RANGAP1: variants seen among roughly 807,000 people sequenced by gnomAD.
The protein encoded by RANGAP1 is ran GTPase-activating protein 1.
A neutral mutation model predicts 63.5 loss-of-function variants in RANGAP1; 38 were observed. The ratio of observed to expected loss-of-function variants is 0.60; its 90% CI spans 0.46 to 0.78. The LOEUF is 0.78. Among genes scored for constraint, RANGAP1 ranks in the 30% least tolerant of loss-of-function variants. The pLI is 0.00. For missense variants in RANGAP1, 630 were observed against 740.3 expected (o/e 0.85, Z 1.73); for synonymous variants, 329 against 310.5 (o/e 1.06, Z -0.63).
chr22:41,256,594 T>G, intron 8 of RANGAP1, 117 bp downstream of exon 8: 1 of 848,286 alleles, frequency 1.2e-6, no homozygotes, highest in South Asian at 1.7e-5. Flanking sequence ...GGGCCCGAAG[T>G]GGAGGAGCTG....
intron 4 of RANGAP1, among the ~76,000 whole-genome samples, chr22:41,266,073 G>A (rs1312775526): frequency 6.6e-6 from 1 of 152,128 alleles, no homozygotes; most frequent in Non-Finnish European, 1.5e-5. Flanking sequence ...ATGGTGGCGG[G>A]CGCCTGTAGT....
intron 3 of RANGAP1, among the ~76,000 whole-genome samples, chr22:41,273,766 C>CAAAAAAAAAAAA (rs71200678): frequency 0.025 from 605 of 24,346 alleles, 151 homozygotes; most frequent in Non-Finnish European, 0.035. Context: ...GACTCCATCT[C>CAAAAAAAAAAAA]AAAAAAAAAA....
Position 41,256,080 on chromosome 22 carries a change from A to G in RANGAP1, c.1014T>C (p.Cys338=). 1 of 1,614,108 alleles carries G rather than the reference A, an allele frequency of 6.2e-7. No individual in the cohort carries two copies. Among genetic ancestry groups the G allele is most frequent in the Non-Finnish European group, 8.5e-7 (1 of 1,180,030 alleles). ...CCTCCAGCACCTCCTGAAGCTGTTCACAGCCTTCTTCTCCCAGGGTGTTGC... is the reference window on the plus strand; with the variant it reads ...CCTCCAGCACCTCCTGAAGCTGTTCGCAGCCTTCTTCTCCCAGGGTGTTGC... ...LNGNTLGEEG[C]EQLQEVLEGF... Residue 338 remains cysteine, a synonymous_variant, in exon 10 of 16, where the codon TGT becomes TGC. Coordinates refer to ENST00000356244, the MANE Select transcript of RANGAP1 (RefSeq NM_002883.4).
At chr22:41,250,930 G>T in intron 13 of RANGAP1, 77 bp downstream of exon 13, 1 of 1,253,720 alleles carries the variant, frequency 8.0e-7, no homozygotes, top group Non-Finnish European at 1.2e-6. Flanking sequence ...GACGAGTTAC[G>T]GCAACCACGA....
At chr22:41,251,135 G>A (rs910640997) in intron 12 of RANGAP1, 26 bp from the exon 13 acceptor site, 1 of 1,594,176 alleles carries the variant, frequency 6.3e-7, no homozygotes, top group Non-Finnish European at 8.6e-7. Flanking sequence ...ACAATGGTTG[G>A]CCTGTGGCAC....
At chr22:41,301,431 T>C in the RANGAP1 span, 2 of 152,192 alleles carry the variant, frequency 1.3e-5, no homozygotes, top group African/African-American at 4.8e-5. Flanking sequence ...CCCCCCGCCC[T>C]TCTCCCCAGG....
At chr22:41,287,315 G>C (rs2035774093), upstream of RANGAP1, among the ~76,000 whole-genome samples, 1 of 150,962 alleles carries the variant, frequency 6.6e-6, no homozygotes, top group Non-Finnish European at 1.5e-5. Flanking sequence ...GGAGTTCTTT[G>C]AACATTTTTG....
At chr22:41,276,440 C>T (rs1178861835) in intron 2 of RANGAP1, among the ~76,000 whole-genome samples, 1 of 150,602 alleles carries the variant, frequency 6.6e-6, no homozygotes, top group Non-Finnish European at 1.5e-5. Context: ...GAGTTTGAGA[C>T]CAGCCTGTCC....
At chr22:41,276,688 A>G (rs1194202904) in intron 2 of RANGAP1, among the ~76,000 whole-genome samples, 1 of 151,948 alleles carries the variant, frequency 6.6e-6, no homozygotes, top group Non-Finnish European at 1.5e-5. Flanking sequence ...GGAAAAAAAA[A>G]AAGACTAGGC....
the RANGAP1 span, among the ~76,000 whole-genome samples, chr22:41,292,860 T>C: frequency 1.3e-5 from 2 of 152,056 alleles, no homozygotes; most frequent in Non-Finnish European, 2.9e-5. Context: ...TCCCAACACC[T>C]TGGGAGGCTG....
chr22:41,249,776 A>G lies in RANGAP1; in HGVS notation c.1525T>C (p.Ser509Pro). Reference protein sequence around the residue: ...QKAFNSSSFNSNTFLTRLLVH... With the variant: ...QKAFNSSSFNPNTFLTRLLVH... ...AGCAGCCTGGTGAGGAAGGTGTTGG[A>G]GTTGAAGGACGAGGAGTTGAAAGCC... Residue 509 changes from serine to proline, a missense_variant, in exon 14 of 16, where the codon TCC (serine) becomes CCC (proline). Physicochemically the swap from Ser to Pro is moderately conservative, Grantham distance 74 (BLOSUM62 -1). Transcript: ENST00000356244. 6.2e-7 allele frequency: 1 copy of G among 1,614,006 alleles called. No homozygotes were observed. The highest frequency in any genetic ancestry group is 8.5e-7 in the Non-Finnish European group (1 of 1,179,874).
chr22:41,277,054 G>T (rs1477682228), intron 2 of RANGAP1, among the ~76,000 whole-genome samples: 1 of 149,326 alleles, frequency 6.7e-6, no homozygotes, highest in Non-Finnish European at 1.5e-5. Flanking sequence ...TATCCCTGGG[G>T]TTATATGAAA....
chr22:41,285,471 C>T (rs2035705668), intron 1 of RANGAP1: 3 of 981,746 alleles, frequency 3.1e-6, no homozygotes, highest in Non-Finnish European at 2.4e-6. Context: ...ACATCCTCTC[C>T]CCGCTCCGCA....
rs192266708 is a variant in RANGAP1 at position 41,276,396 on chromosome 22, G to C, written c.113-1669C>G. Reference sequence around the variant, plus strand: ...CTCACACCTGTAATCCCAGCACTTTGGGAGGCTGAGGCCTGAGGATCACCT... The same window carrying C: ...CTCACACCTGTAATCCCAGCACTTTCGGAGGCTGAGGCCTGAGGATCACCT... On this transcript the variant is annotated intron_variant, in intron 2 of 15. Coordinates refer to ENST00000356244, the MANE Select transcript of RANGAP1 (RefSeq NM_002883.4). Among the ~76,000 whole-genome samples, 566 of 152,282 alleles carry C rather than the reference G, an allele frequency of 3.7e-3. 3 individuals carry two copies. The highest frequency in any genetic ancestry group is 5.1e-3 in the Non-Finnish European group (345 of 68,030).
At chr22:41,266,443 T>TGAAAGCTCAGG (rs2034480915) in intron 4 of RANGAP1, among the ~76,000 whole-genome samples, 2 of 152,156 alleles carry the variant, frequency 1.3e-5, no homozygotes, top group South Asian at 4.1e-4. Flanking sequence ...CTCAGGGAAA[T>TGAAAGCTCAGG]GAAATGCTAA....
Position 41,264,833 on chromosome 22 carries a change from C to A in RANGAP1, c.311G>T (p.Gly104Val), listed in dbSNP as rs752190411. ...TEIPPALISL[G>V]EGLITAGAQL... ...AGCCCCAGCTGTGATGAGTCCTTCC[C>A]CTAGTGAGATCTGGGCACAGAGGAA... The change falls in exon 5 of 16, where the codon GGG becomes GTG. Residue 104 changes from glycine to valine, a missense_variant. By Grantham distance (109) the Gly-to-Val change is moderately radical. Coordinates refer to ENST00000356244, the MANE Select transcript of RANGAP1 (RefSeq NM_002883.4). 2 of 1,607,248 alleles carry A rather than the reference C, an allele frequency of 1.2e-6. No individual in the cohort carries two copies. Among genetic ancestry groups the A allele is most frequent in the African/African-American group, 2.7e-5 (2 of 74,830 alleles).
intron 15 of RANGAP1, among the ~76,000 whole-genome samples, chr22:41,248,602 G>A (rs1330524399): frequency 2.0e-5 from 3 of 152,244 alleles, no homozygotes; most frequent in South Asian, 2.1e-4. Flanking sequence ...TGGTCAGGGC[G>A]CTTGGAGACA....
At chr22:41,275,231 G>A (rs1601692532) in intron 2 of RANGAP1, among the ~76,000 whole-genome samples, 1 of 152,192 alleles carries the variant, frequency 6.6e-6, no homozygotes, top group East Asian at 1.9e-4. Flanking sequence ...AGTGGCTCAC[G>A]CCTGTAATCC....
the RANGAP1 span, among the ~76,000 whole-genome samples, chr22:41,293,783 A>T: frequency 4.1e-5 from 3 of 72,750 alleles, no homozygotes; most frequent in African/African-American, 1.3e-4. Context: ...AAAAAAAAAG[A>T]AAAGAAATAA....
Sources: allele counts gnomAD v4.1 joint callset (sites outside exome capture counted in the v4.1 genomes callset), GRCh38; gene constraint gnomAD v4.1.1; transcripts MANE v1.5; gene names NCBI Gene and HGNC (gene_info 2026-07-23, HGNC 2026-07-21).